Variants in RFC1 observed in about 807,000 individuals in gnomAD.
RFC1 encodes replication factor C subunit 1, also known as A1 140 kDa subunit.
RFC1 carries 37 observed loss-of-function variants against 137.4 expected under a neutral mutation model. That is an observed-to-expected ratio of 0.27 (90% CI 0.21 to 0.35). The LOEUF is 0.35. Among genes scored for constraint, RFC1 ranks in the 10% least tolerant of loss-of-function variants. The probability of loss-of-function intolerance (pLI) is 1.00; values close to 1 mark genes in which losing one functional copy is unlikely to be tolerated. For missense variants in RFC1, 1,205 were observed against 1,358.5 expected, an observed-to-expected ratio of 0.89 and a Z score of 1.78; for synonymous variants, 429 against 455.7, an observed-to-expected ratio of 0.94 and a Z score of 0.75.
At chr4:39,364,608 T>C (rs1741929218) in intron 1 of RFC1, among the ~76,000 whole-genome samples, 1 of 152,208 alleles carries the variant, frequency 6.6e-6, no homozygotes, top group Admixed American at 6.5e-5. Flanking sequence ...CAGAGGAATC[T>C]ACCATGCCTC....
chr4:39,344,782 CTAAA>C (rs1204336736), intron 3 of RFC1, among the ~76,000 whole-genome samples: 1 of 152,000 alleles, frequency 6.6e-6, no homozygotes, highest in African/African-American at 2.4e-5. Context: ...AAGACTGTCT[CTAAA>C]TAAATTAATT....
At position 39,312,955 on chromosome 4, in the gene RFC1, G is replaced by A. The variant is rs1304094696; in HGVS notation, c.1204-24C>T. The A allele has an allele frequency of 3.8e-6, 6 of 1,567,188 alleles. No homozygotes were observed. In the East Asian group the frequency reaches 1.1e-4, roughly 30 times the overall value. ...CCCTAAAAACCAAAATGTTCAAGCA[G>A]AGAGGAAATTACATGGTAGCTTTCC... On this transcript the variant is annotated intron_variant, in intron 10 of 24. Coordinates refer to ENST00000349703, the MANE Select transcript of RFC1 (RefSeq NM_002913.5).
intron 1 of RFC1, among the ~76,000 whole-genome samples, chr4:39,360,642 GGAGAATTGCTT>G (rs1459255913): frequency 6.6e-6 from 1 of 152,158 alleles, no homozygotes; most frequent in African/African-American, 2.4e-5. Flanking sequence ...GGCTGAGGCA[GGAGAATTGCTT>G]GAACCTGGGA....
chr4:39,366,251 A>C lies in RFC1; in HGVS notation c.-10T>G. 2.6e-6 allele frequency: 4 copies of C among 1,544,366 alleles called. No individual in the cohort carries two copies. The highest frequency in any genetic ancestry group is 3.5e-6 in the Non-Finnish European group (4 of 1,144,538). ...CCCAGCGGCTCACCATCGCAGCCCC[A>C]GGATGAAGGCGCTGGCTGGCTGGCG... On this transcript the variant is annotated 5_prime_UTR_variant, in exon 1 of 25. Coordinates refer to ENST00000349703, the MANE Select transcript of RFC1 (RefSeq NM_002913.5).
At chr4:39,346,632 G>T (rs1740875162) in intron 2 of RFC1, among the ~76,000 whole-genome samples, 1 of 152,144 alleles carries the variant, frequency 6.6e-6, no homozygotes, top group Non-Finnish European at 1.5e-5. Context: ...GGTAGAAATA[G>T]AAACTATTTC....
At chr4:39,358,357 G>A (rs772642827) in intron 1 of RFC1, among the ~76,000 whole-genome samples, 2 of 152,148 alleles carry the variant, frequency 1.3e-5, no homozygotes, top group South Asian at 2.1e-4. Flanking sequence ...ATTATTTGTC[G>A]CTAAGTGTTT....
chr4:39,319,263 C>T (rs1307039638), intron 9 of RFC1, among the ~76,000 whole-genome samples: 1 of 152,194 alleles, frequency 6.6e-6, no homozygotes, highest in Non-Finnish European at 1.5e-5. Context: ...ACCAAACCTG[C>T]TCAGAGTCCC....
intron 4 of RFC1, among the ~76,000 whole-genome samples, chr4:39,332,160 G>A (rs1740135769): frequency 6.6e-6 from 1 of 152,158 alleles, no homozygotes; most frequent in Non-Finnish European, 1.5e-5. Context: ...TTTATAAATT[G>A]CCCAGTTTTG....
intron 14 of RFC1, 82 bp downstream of exon 14, chr4:39,306,508 GCA>G (rs1304176823): frequency 2.8e-6 from 2 of 719,686 alleles, no homozygotes; most frequent in Non-Finnish European, 5.0e-6. Context: ...ACATGCACAC[GCA>G]CAGATGTGGG....
rs1221817788 is a variant in RFC1 at position 39,311,472 on chromosome 4, G to T, written c.1461C>A (p.Ser487=). Residue 487 remains serine, a synonymous_variant, in exon 12 of 25, where the codon TCC becomes TCA. Transcript: ENST00000349703. ...NLIRTMPGKK[S]KYEIAVETEM... is the part of the protein sequence containing the mutation. ...CAGTTTCAACTGCTATTTCATACTTGGATTTCTTGCCTGGCATAGTCCGAA... is the reference window on the plus strand; with the variant it reads ...CAGTTTCAACTGCTATTTCATACTTTGATTTCTTGCCTGGCATAGTCCGAA... 6.2e-7 allele frequency: 1 copy of T among 1,613,762 alleles called. No individual in the cohort carries two copies.
intron 21 of RFC1, 95 bp downstream of exon 21, chr4:39,299,926 A>C (rs1738256591): frequency 3.8e-6 from 3 of 782,190 alleles, no homozygotes; most frequent in African/African-American, 1.8e-5. Flanking sequence ...AAAATAAAGT[A>C]AACAAAATAA....
At chr4:39,299,552 G>A (rs1738228829) in intron 21 of RFC1, among the ~76,000 whole-genome samples, 1 of 146,366 alleles carries the variant, frequency 6.8e-6, no homozygotes, top group Admixed American at 6.9e-5. Context: ...GGCGGAGCTT[G>A]CAGTGAGCCA....
At chr4:39,346,296 A>G (rs372111647) in intron 2 of RFC1, among the ~76,000 whole-genome samples, 3 of 152,148 alleles carry the variant, frequency 2.0e-5, no homozygotes, top group East Asian at 3.9e-4. Context: ...GACCAACATG[A>G]AGAAACTCCG....
At chr4:39,295,491 T>C (rs1737932195) in intron 22 of RFC1, 123 bp downstream of exon 22, 3 of 732,554 alleles carry the variant, frequency 4.1e-6, no homozygotes, top group Non-Finnish European at 6.4e-6. Context: ...TCCAGGATCA[T>C]TCATCTAGTT....
chr4:39,361,448 AG>A (rs1294418259), intron 1 of RFC1, among the ~76,000 whole-genome samples: 3 of 152,236 alleles, frequency 2.0e-5, no homozygotes, highest in African/African-American at 7.2e-5. Context: ...ATACCTTGGA[AG>A]CAAAAAGTAA....
At chr4:39,320,326 G>T in intron 9 of RFC1, 57 bp downstream of exon 9, 1 of 1,393,510 alleles carries the variant, frequency 7.2e-7, no homozygotes. Context: ...TCCAACCTCA[G>T]CAACAAGAGC....
chr4:39,298,604 TCA>T (rs1738163064), intron 21 of RFC1, among the ~76,000 whole-genome samples: 1 of 152,132 alleles, frequency 6.6e-6, no homozygotes, highest in African/African-American at 2.4e-5. Flanking sequence ...AATGAATGCA[TCA>T]GAGACATGGC....
At position 39,353,329 on chromosome 4, in the gene RFC1, G is replaced by A. The variant is rs1007910818; in HGVS notation, c.4-1853C>T. Among the ~76,000 whole-genome samples the A allele has an allele frequency of 3.7e-5, 5 of 135,710 alleles. 1 individual carries two copies. In the Admixed American group the frequency reaches 4.4e-4, roughly 12 times the overall value. The allele number at this position is 135,710 out of a possible 152,430, so 89.0% of individuals were successfully genotyped here. On this transcript the variant is annotated intron_variant, in intron 1 of 24. Transcript: ENST00000349703. ...GCACGAGAATCGCTTGAACCTGGGA[G>A]GCAGAAGTTGCAGTGTGGCGAGATT...
intron 5 of RFC1, 30 bp downstream of exon 5, chr4:39,327,494 A>G (rs767857525): frequency 1.4e-6 from 2 of 1,432,614 alleles, no homozygotes. Flanking sequence ...ATAAATCCTG[A>G]GCATACTTGC....
Sources: allele counts gnomAD v4.1 joint callset (sites outside exome capture counted in the v4.1 genomes callset), GRCh38; gene constraint gnomAD v4.1.1; transcripts MANE v1.5; gene names NCBI Gene and HGNC (gene_info 2026-07-23, HGNC 2026-07-21).